The following MAN1A1 variants were observed in gnomAD, a reference collection of about 807,000 sequenced individuals.
MAN1A1 encodes the protein mannosidase alpha class 1A member 1.
MAN1A1 carries 29 observed loss-of-function variants against 70.8 expected under a neutral mutation model. The ratio of observed to expected loss-of-function variants is 0.41; its 90% confidence interval spans 0.31 to 0.56. The LOEUF (loss-of-function observed/expected upper bound fraction) is 0.56. Among genes scored for constraint, MAN1A1 ranks in the 20% least tolerant of loss-of-function variants. The pLI is 0.29. For synonymous variants in MAN1A1, 349 were observed against 330.1 expected, an observed-to-expected ratio of 1.06 and a Z score of -0.62; for missense variants, 747 against 841.3, an observed-to-expected ratio of 0.89 and a Z score of 1.39.
At chr6:119,271,434 C>A (rs1775920352) in intron 5 of MAN1A1, among the ~76,000 whole-genome samples, 1 of 152,042 alleles carries the variant, frequency 6.6e-6, no homozygotes, top group South Asian at 2.1e-4. Context: ...TCTTTCCACC[C>A]TATAAGAGCT....
chr6:119,197,250 T>A lies in MAN1A1; in HGVS notation c.1211-3358A>T, dbSNP rs184213347. The stretch of plus-strand genomic sequence containing the variant: ...CTTGAACCTGGCAGGTGGAGGGAGC[T>A]GAGACTGCACCACTGCACACTACCC... On this transcript the variant is annotated intron_variant, in intron 8 of 12. Coordinates refer to ENST00000368468, the MANE Select transcript of MAN1A1 (RefSeq NM_005907.4). 2.9e-3 allele frequency among the ~76,000 whole-genome samples: 421 copies of A among 146,640 alleles called. 3 individuals carry two copies. The highest frequency in any genetic ancestry group is 9.7e-3 in the African/African-American group (388 of 40,002).
At chr6:119,188,620 C>G (rs2142887) in intron 10 of MAN1A1, 43 bp from the exon 11 acceptor site, 666,299 of 1,546,978 alleles carry the variant, frequency 0.43, 151,409 homozygotes, top group Non-Finnish European at 0.47. Flanking sequence ...TTTTCCTGGA[C>G]AGTGCTTACA....
Position 119,349,663 on chromosome 6 carries a change from C to T in MAN1A1, c.-344G>A, listed in dbSNP as rs867443969. ...CTGAGCGCGCTGTCCCACGGTCCCG[C>T]AGCCCCGGCGCGGCTCAGGTGGGCG... On this transcript the variant is annotated 5_prime_UTR_variant, in exon 1 of 13. Coordinates refer to ENST00000368468, the MANE Select transcript of MAN1A1 (RefSeq NM_005907.4). 84 of 985,864 alleles carry T rather than the reference C, an allele frequency of 8.5e-5. 1 individual carries two copies. The African/African-American group carries it at 1.3e-3, about 15-fold the overall frequency. The allele number at this position is 985,864 out of a possible 1,614,324, so 61.1% of individuals were successfully genotyped here.
intron 8 of MAN1A1, among the ~76,000 whole-genome samples, chr6:119,194,325 G>A (rs1048283371): frequency 1.3e-4 from 20 of 152,002 alleles, no homozygotes; most frequent in African/African-American, 4.8e-4. Flanking sequence ...AGCTCCTCAG[G>A]TTCTTGCCAT....
intron 6 of MAN1A1, among the ~76,000 whole-genome samples, chr6:119,205,502 A>C (rs1162053714): frequency 6.6e-6 from 1 of 152,206 alleles, no homozygotes; most frequent in African/African-American, 2.4e-5. Context: ...GAATCTCAAC[A>C]AAATTATGTT....
intron 2 of MAN1A1, among the ~76,000 whole-genome samples, chr6:119,331,629 A>C (rs1773318869): frequency 6.7e-6 from 1 of 150,022 alleles, no homozygotes; most frequent in Admixed American, 6.7e-5. Flanking sequence ...ACATGAACAC[A>C]TACTAGTAAA....
intron 5 of MAN1A1, among the ~76,000 whole-genome samples, chr6:119,256,432 A>G (rs1366651354): frequency 7.1e-6 from 1 of 140,116 alleles, no homozygotes; most frequent in African/African-American, 2.6e-5. Flanking sequence ...TTTTTTCATG[A>G]GAGAGGACTC....
chr6:119,331,515 T>G (rs1773309058), intron 2 of MAN1A1, among the ~76,000 whole-genome samples: 2 of 149,560 alleles, frequency 1.3e-5, no homozygotes, highest in Non-Finnish European at 3.0e-5. Context: ...TCATTAATGC[T>G]TAAGGTATTA....
chr6:119,348,527 A>C lies in MAN1A1; in HGVS notation c.539T>G (p.Ile180Ser), dbSNP rs767577822. 2.5e-6 allele frequency: 4 copies of C among 1,612,274 alleles called. No individual in the cohort carries two copies. The African/African-American group carries it at 5.3e-5, about 22-fold the overall frequency. Residue 180 changes from isoleucine (I) to serine (S), a missense_variant, in exon 2 of 13, where the codon ATC becomes AGC. Physicochemically the swap from Ile to Ser is moderately radical, Grantham distance 142. Around this residue, in one of 2 missense-constraint regions of MAN1A1, gnomAD observed 328 missense variants for 293.1 expected, o/e 1.12. Coordinates refer to ENST00000368468, the MANE Select transcript of MAN1A1 (RefSeq NM_005907.4). ...GGCGGGCTCCCGGCTCTCCACCCCG[A>C]TTGGGGGCACGAAGTCCACCGGGGG... ...GLPPVDFVPPIGVESREPADA... is the reference protein window; with the variant it reads ...GLPPVDFVPPSGVESREPADA...
intron 6 of MAN1A1, among the ~76,000 whole-genome samples, chr6:119,247,768 C>T (rs1246291373): frequency 2.0e-5 from 3 of 152,152 alleles, no homozygotes; most frequent in African/African-American, 7.2e-5. Flanking sequence ...CTTCTTACAA[C>T]TGGGGGCTGG....
chr6:119,285,139 T>TTTTTTACTTTTC (rs1554211818), intron 5 of MAN1A1, among the ~76,000 whole-genome samples: 2 of 142,786 alleles, frequency 1.4e-5, no homozygotes, highest in African/African-American at 5.1e-5. Context: ...GTAGCAGACT[T>TTTTTTACTTTTC]TTTTTTTTTT....
chr6:119,207,244 A>C (rs111878733), intron 6 of MAN1A1, among the ~76,000 whole-genome samples: 2 of 151,272 alleles, frequency 1.3e-5, no homozygotes, highest in African/African-American at 4.8e-5. Flanking sequence ...TTCTGTCACC[A>C]CCCCCCCAAC....
intron 6 of MAN1A1, among the ~76,000 whole-genome samples, chr6:119,205,562 A>G (rs1449791074): frequency 6.6e-6 from 1 of 152,224 alleles, no homozygotes; most frequent in East Asian, 1.9e-4. Flanking sequence ...TTACTGCTTC[A>G]TGGCCTTTCT....
intron 5 of MAN1A1, among the ~76,000 whole-genome samples, chr6:119,254,824 T>TACGATGC (rs1775417300): frequency 6.6e-6 from 1 of 152,168 alleles, no homozygotes; most frequent in Admixed American, 6.5e-5. Context: ...GGTGGTAAAA[T>TACGATGC]ACGATGCAAC....
At chr6:119,244,928 G>A (rs927568953) in intron 6 of MAN1A1, among the ~76,000 whole-genome samples, 3 of 152,064 alleles carry the variant, frequency 2.0e-5, no homozygotes, top group African/African-American at 7.2e-5. Context: ...TTTATCACAG[G>A]AGAGACTCAA....
rs546962836 is a variant in MAN1A1 at position 119,177,288 on chromosome 6, C to G, written c.*2531G>C. ...AATTATGTGTCAATCTATTGTTTCC[C>G]ATAACATTGGAGATTTATATATAAA... On this transcript the variant is annotated 3_prime_UTR_variant, in exon 13 of 13. Coordinates refer to ENST00000368468, the MANE Select transcript of MAN1A1 (RefSeq NM_005907.4). The G allele has an allele frequency of 3.6e-4, 54 of 152,030 alleles. No individual in the cohort carries two copies. Among genetic ancestry groups the G allele is most frequent in the African/African-American group, 1.2e-3 (51 of 41,500 alleles). 9.4% of individuals were successfully genotyped at this position (152,030 alleles called of 1,614,324 possible).
intron 6 of MAN1A1, among the ~76,000 whole-genome samples, chr6:119,207,881 C>A (rs763710856): frequency 2.0e-5 from 3 of 152,006 alleles, no homozygotes; most frequent in African/African-American, 4.8e-5. Context: ...GGGCCAAAAA[C>A]GAATTTTATC....
At chr6:119,342,530 T>C (rs1033467042) in intron 2 of MAN1A1, among the ~76,000 whole-genome samples, 9 of 152,164 alleles carry the variant, frequency 5.9e-5, no homozygotes, top group African/African-American at 2.2e-4. Flanking sequence ...TTCTGAGAGA[T>C]TAAGTAATTT....
At chr6:119,288,162 C>T (rs1348582426) in intron 5 of MAN1A1, among the ~76,000 whole-genome samples, 1 of 151,898 alleles carries the variant, frequency 6.6e-6, no homozygotes, top group African/African-American at 2.4e-5. Flanking sequence ...ATCAGTAGTA[C>T]TTCTTCTCCT....
Sources: gnomAD v4.1 joint callset for allele counts (sites outside exome capture counted in the v4.1 genomes callset) on GRCh38, gnomAD v4.1.1 for gene constraint, gnomAD v4.1.1 regional missense constraint, MANE v1.5 for transcripts, NCBI Gene and HGNC (gene_info 2026-07-23, HGNC 2026-07-21) for gene names.